Variants in RNF150 observed in about 807,000 individuals in gnomAD.
The protein encoded by RNF150 is ring finger protein 150.
In RNF150, 24 loss-of-function variants were observed where a neutral mutation model predicts 39.3. That is an observed-to-expected ratio of 0.61 (90% CI 0.44 to 0.86). RNF150 has a LOEUF of 0.86. RNF150 is among the 40% of genes least tolerant of loss of function. RNF150 has a pLI of 0.00. For missense variants in RNF150, 502 were observed against 587.8 expected (o/e 0.85, Z 1.51); for synonymous variants, 255 against 227.3 (o/e 1.12, Z -1.10).
chr4:141,068,233 C>T (rs888556704), intron 1 of RNF150, among the ~76,000 whole-genome samples: 5 of 152,190 alleles, frequency 3.3e-5, no homozygotes, highest in African/African-American at 9.7e-5. Flanking sequence ...GCATGAGCCA[C>T]CATGTCCAGC....
Position 140,867,087 on chromosome 4 carries a change from T to C in RNF150, c.*1174A>G, listed in dbSNP as rs1728739908. 2.0e-5 allele frequency: 3 copies of C among 152,318 alleles called. No individual in the cohort carries two copies. Among genetic ancestry groups the C allele is most frequent in the Admixed American group, 1.3e-4 (2 of 15,288 alleles). 9.4% of individuals were successfully genotyped at this position (152,318 alleles called of 1,614,324 possible). A position where few individuals can be genotyped will look rare whatever the true frequency, so the allele number is the denominator to read the frequency against. On this transcript the variant is annotated 3_prime_UTR_variant, in exon 7 of 7. Coordinates refer to ENST00000515673, the MANE Select transcript of RNF150 (RefSeq NM_020724.2). ...CAGCAAATCACACCTCATTCCTCAC[T>C]TGGTATCTGGACACACTCAGGGAGC... is the stretch of plus-strand genomic sequence containing the variant.
At chr4:141,183,988 A>G (rs1055121148) in intron 1 of RNF150, among the ~76,000 whole-genome samples, 3 of 152,164 alleles carry the variant, frequency 2.0e-5, no homozygotes, top group Non-Finnish European at 4.4e-5. Context: ...GTGTCTTTAT[A>G]GTAGAATGAT....
chr4:141,088,043 T>C (rs1316968167), intron 1 of RNF150, among the ~76,000 whole-genome samples: 1 of 152,206 alleles, frequency 6.6e-6, no homozygotes. Flanking sequence ...ATATCATCTT[T>C]GTCACTTACT....
At position 140,860,328 on chromosome 4, in the gene RNF150, G is replaced by A. The variant is rs1439358459; in HGVS notation, c.*7933C>T. On this transcript the variant is annotated 3_prime_UTR_variant, in exon 7 of 7. Coordinates refer to ENST00000515673, the MANE Select transcript of RNF150 (RefSeq NM_020724.2). ...CAGAAGATTAGTTTTGGGTAAAAAC[G>A]CTACATAATTCACTAGTACTTATTT... 6.6e-6 allele frequency: 1 copy of A among 152,028 alleles called. No homozygotes were observed. The highest frequency in any genetic ancestry group is 2.4e-5 in the African/African-American group (1 of 41,376). The allele number at this position is 152,028 out of a possible 1,614,324, so 9.4% of individuals were successfully genotyped here. A position where few individuals can be genotyped will look rare whatever the true frequency, so the allele number is the denominator to read the frequency against.
At position 141,155,393 on chromosome 4, in the gene RNF150, C is replaced by T. The variant is rs116804172; in HGVS notation, c.-6+57401G>A. On this transcript the variant is annotated intron_variant, in intron 1 of 7. Coordinates refer to the RNF150 transcript ENST00000420921. Reference sequence around the variant, plus strand: ...GATTACAGGCGTGAGCCACTACGACCGGCCGAGAGCTTTATTCCTTAAAAA... The same window carrying T: ...GATTACAGGCGTGAGCCACTACGACTGGCCGAGAGCTTTATTCCTTAAAAA... Among the ~76,000 whole-genome samples the T allele has an allele frequency of 4.0e-3, 612 of 152,094 alleles. 4 individuals are homozygous for T. The highest frequency in any genetic ancestry group is 0.014 in the African/African-American group (576 of 41,488).
chr4:140,967,908 T>G, intron 1 of RNF150, 35 bp from the exon 2 acceptor site: 1 of 1,601,628 alleles, frequency 6.2e-7, no homozygotes, highest in Non-Finnish European at 8.5e-7. Context: ...GCAATAAAGG[T>G]TAGGGGATAA....
chr4:140,968,104 G>A (rs777801163), intron 1 of RNF150, among the ~76,000 whole-genome samples: 3 of 152,006 alleles, frequency 2.0e-5, no homozygotes, highest in Admixed American at 2.0e-4. Context: ...AACCTAAAAT[G>A]CATTCATGAT....
intron 1 of RNF150, among the ~76,000 whole-genome samples, chr4:141,188,429 T>A (rs904484642): frequency 6.6e-6 from 1 of 152,208 alleles, no homozygotes; most frequent in Non-Finnish European, 1.5e-5. Flanking sequence ...CTGGATAATA[T>A]CCTGAAGTGT....
At chr4:141,142,510 A>G (rs1422704059) in intron 1 of RNF150, among the ~76,000 whole-genome samples, 3 of 152,018 alleles carry the variant, frequency 2.0e-5, no homozygotes, top group African/African-American at 7.3e-5. Context: ...TTATAGCAAA[A>G]CTTTTCAAAA....
chr4:140,876,097 C>T (rs1469341165), intron 6 of RNF150, among the ~76,000 whole-genome samples: 1 of 152,172 alleles, frequency 6.6e-6, no homozygotes, highest in Non-Finnish European at 1.5e-5. Flanking sequence ...CTGCATTACA[C>T]AAAAGCTTAT....
chr4:140,908,650 G>T (rs9308134), intron 6 of RNF150, among the ~76,000 whole-genome samples: 58,235 of 151,902 alleles, frequency 0.38, 11,714 homozygotes, highest in East Asian at 0.63. Flanking sequence ...TGGTCACTAT[G>T]AACTAAACAC....
intron 1 of RNF150, among the ~76,000 whole-genome samples, chr4:140,989,816 G>A (rs1296114339): frequency 6.6e-6 from 1 of 151,850 alleles, no homozygotes; most frequent in Admixed American, 6.6e-5. Context: ...CTCTGAAGAT[G>A]ATAGTACTTG....
chr4:140,982,868 T>C (rs780624792), intron 1 of RNF150, among the ~76,000 whole-genome samples: 5 of 152,082 alleles, frequency 3.3e-5, no homozygotes, highest in African/African-American at 1.2e-4. Context: ...GGCTATCTCA[T>C]CAGCTGTAGT....
intron 6 of RNF150, among the ~76,000 whole-genome samples, chr4:140,886,586 T>C (rs1349701808): frequency 1.3e-5 from 2 of 152,222 alleles, no homozygotes; most frequent in African/African-American, 4.8e-5. Context: ...GCCTGACTTT[T>C]CATTTTCTTA....
At chr4:140,921,971 AAAT>A (rs1314364809) in intron 5 of RNF150, among the ~76,000 whole-genome samples, 1 of 150,560 alleles carries the variant, frequency 6.6e-6, no homozygotes, top group African/African-American at 2.4e-5. Context: ...ACGTATCTCA[AAAT>A]AATAAGAGCT....
At chr4:140,916,314 G>T (rs1730826123) in intron 5 of RNF150, among the ~76,000 whole-genome samples, 1 of 152,088 alleles carries the variant, frequency 6.6e-6, no homozygotes, top group South Asian at 2.1e-4. Context: ...TTAGATGAAT[G>T]GATAACTAGA....
chr4:140,917,008 C>A (rs1212336531), intron 5 of RNF150, among the ~76,000 whole-genome samples: 1 of 152,098 alleles, frequency 6.6e-6, no homozygotes, highest in Non-Finnish European at 1.5e-5. Context: ...ATTTTGTCAC[C>A]ACCAGGCCTG....
At chr4:141,119,827 C>A (rs1330079443) in intron 1 of RNF150, among the ~76,000 whole-genome samples, 4 of 152,154 alleles carry the variant, frequency 2.6e-5, no homozygotes, top group Non-Finnish European at 1.5e-5. Flanking sequence ...GGGTTAAAGT[C>A]AGGTTAGCGA....
chr4:141,086,607 T>C (rs1290300665), intron 1 of RNF150, among the ~76,000 whole-genome samples: 2 of 152,072 alleles, frequency 1.3e-5, no homozygotes, highest in Non-Finnish European at 2.9e-5. Flanking sequence ...TAAAGGCTTA[T>C]ATTAAACTGC....
Sources: gnomAD v4.1 joint callset for allele counts (sites outside exome capture counted in the v4.1 genomes callset) on GRCh38, gnomAD v4.1.1 for gene constraint, MANE v1.5 for transcripts, NCBI Gene and HGNC (gene_info 2026-07-23, HGNC 2026-07-21) for gene names.